OR2L3: variants seen among roughly 807,000 people sequenced by gnomAD.
OR2L3 encodes the protein olfactory receptor family 2 subfamily L member 3, also known as olfactory receptor 2L3.
For missense variants in OR2L3, 369 were observed against 376.6 expected (o/e 0.98, Z 0.17); for synonymous variants, 131 against 139.1 (o/e 0.94, Z 0.41).
At chr1:248,053,459 G>T (rs1663336781) in intron 1 of OR2L3, among the ~76,000 whole-genome samples, 1 of 152,008 alleles carries the variant, frequency 6.6e-6, no homozygotes. Context: ...TATTCCTTTG[G>T]GTATACACCC....
chr1:248,061,593 T>G lies in OR2L3; in HGVS notation c.912T>G (p.Ser304Arg), dbSNP rs1663647080. ...TGATGGGGGCCCTGACACGAGTGAGTCAGAGAATCTGCTCTGGGAAAATGT... is the reference window on the plus strand; with the variant it reads ...TGATGGGGGCCCTGACACGAGTGAGGCAGAGAATCTGCTCTGGGAAAATGT... ...KEVMGALTRV[S>R]QRICSGKM Residue 304 changes from serine (S) to arginine (R), a missense_variant, in exon 2 of 2, where the codon AGT (serine) becomes AGG (arginine). By Grantham distance (110) the Ser-to-Arg change is moderately radical. Transcript: ENST00000359959. The G allele has an allele frequency of 1.2e-6, 2 of 1,612,418 alleles. No individual in the cohort carries two copies. Among genetic ancestry groups the G allele is most frequent in the Non-Finnish European group, 1.7e-6 (2 of 1,179,360 alleles).
chr1:248,060,871 C>T lies in OR2L3; in HGVS notation c.190C>T (p.Gln64Ter), dbSNP rs1292127932. 6.2e-7 allele frequency: 1 copy of T among 1,613,916 alleles called. No individual in the cohort carries two copies. Residue 64 changes from glutamine (Q) to a stop codon, truncating the protein, a stop_gained, in exon 2 of 2, where the codon CAG becomes TAG. Coordinates refer to ENST00000359959, the MANE Select transcript of OR2L3 (RefSeq NM_001004687.2). LOFTEE classifies it low-confidence loss of function (END_TRUNC). ...CACACCCATGTATTTCCTACTTAGT[C>T]AGCTCTCCCTCATTGACCTAAATTA... ...LHTPMYFLLS[Q>*]LSLIDLNYIS...
intron 1 of OR2L3, among the ~76,000 whole-genome samples, chr1:248,059,231 T>C (rs1382481594): frequency 6.6e-6 from 1 of 152,188 alleles, no homozygotes; most frequent in Non-Finnish European, 1.5e-5. Flanking sequence ...TATTTGGCTC[T>C]AGACTAATAT....
rs374796739 is a variant in OR2L3 at position 248,060,680 on chromosome 1, C to T, written c.-2C>T. The T allele has an allele frequency of 1.9e-6, 3 of 1,608,866 alleles. No homozygotes were observed. The highest frequency in any genetic ancestry group is 1.3e-5 in the African/African-American group (1 of 74,802). Reference sequence around the variant, plus strand: ...CTTCAGGAAAGAGCACACGAATGCCCCATGGAAAATTACAATCAAACATCA... The same window carrying T: ...CTTCAGGAAAGAGCACACGAATGCCTCATGGAAAATTACAATCAAACATCA... On this transcript the variant is annotated 5_prime_UTR_variant, in exon 2 of 2. Transcript: ENST00000359959.
chr1:248,062,088 C>T lies in OR2L3; in HGVS notation c.*468C>T, dbSNP rs537729222. Reference sequence around the variant, plus strand: ...TGTCTTTCTTATCTTAGACACTTAACGTACCAATTACTCATTCTTTCAATT... The same window carrying T: ...TGTCTTTCTTATCTTAGACACTTAATGTACCAATTACTCATTCTTTCAATT... On this transcript the variant is annotated 3_prime_UTR_variant, in exon 2 of 2. Coordinates refer to ENST00000359959, the MANE Select transcript of OR2L3 (RefSeq NM_001004687.2). The T allele has an allele frequency of 4.6e-4, 73 of 157,394 alleles. No homozygotes were observed. Among genetic ancestry groups the T allele is most frequent in the Admixed American group, 2.9e-3 (48 of 16,398 alleles). The allele number at this position is 157,394 out of a possible 1,614,324, so 9.7% of individuals were successfully genotyped here. A position where few individuals can be genotyped will look rare whatever the true frequency, so the allele number is the denominator to read the frequency against.
intron 1 of OR2L3, among the ~76,000 whole-genome samples, chr1:248,051,003 A>G (rs1189723836): frequency 6.6e-6 from 1 of 152,206 alleles, no homozygotes; most frequent in Non-Finnish European, 1.5e-5. Context: ...TATTAGTGCA[A>G]ATATACTTAA....
chr1:248,052,406 T>A (rs558216460), intron 1 of OR2L3, among the ~76,000 whole-genome samples: 1 of 152,294 alleles, frequency 6.6e-6, no homozygotes, highest in East Asian at 1.9e-4. Flanking sequence ...ATTGTTTTGA[T>A]TACTATAGCT....
chr1:248,048,381 A>C (rs114761611), intron 1 of OR2L3, among the ~76,000 whole-genome samples: 2 of 152,214 alleles, frequency 1.3e-5, no homozygotes, highest in Non-Finnish European at 1.5e-5. Context: ...CAAATACAAC[A>C]TTATGTACTG....
At chr1:248,048,982 A>G (rs567036619) in intron 1 of OR2L3, among the ~76,000 whole-genome samples, 1 of 150,332 alleles carries the variant, frequency 6.7e-6, no homozygotes, top group East Asian at 2.0e-4. Flanking sequence ...GATCATACCA[A>G]CTTTAAGGAG....
In OR2L3 at chr1:248,061,008, A is replaced by C; in HGVS notation, c.327A>C (p.Ala109=). ...TCTTCTTCTCGGCATTAGGAGGTGC[A>C]GAAGCACTACTTTTGGCATCTATGG... ...QSFFFSALGG[A]EALLLASMAY... is the part of the protein sequence containing the mutation. Residue 109 remains alanine, a synonymous_variant, in exon 2 of 2, where the codon GCA becomes GCC. Transcript: ENST00000359959. 5.0e-6 allele frequency: 8 copies of C among 1,614,086 alleles called. No homozygotes were observed. The highest frequency in any genetic ancestry group is 5.9e-6 in the Non-Finnish European group (7 of 1,179,996).
At chr1:248,050,457 C>T (rs574779648) in intron 1 of OR2L3, among the ~76,000 whole-genome samples, 2 of 152,092 alleles carry the variant, frequency 1.3e-5, no homozygotes, top group South Asian at 2.1e-4. Context: ...CTGTCAGGAA[C>T]CAGCCTTTAA....
chr1:248,048,772 G>A (rs1663164095), intron 1 of OR2L3, among the ~76,000 whole-genome samples: 1 of 152,178 alleles, frequency 6.6e-6, no homozygotes, highest in African/African-American at 2.4e-5. Context: ...CGCTTCAGAA[G>A]ACAGGAAGTA....
chr1:248,058,054 A>G (rs1663497460), intron 1 of OR2L3, among the ~76,000 whole-genome samples: 1 of 152,178 alleles, frequency 6.6e-6, no homozygotes, highest in African/African-American at 2.4e-5. Flanking sequence ...CAAATCTTAG[A>G]GTCAAAGCTG....
chr1:248,061,224 A>G lies in OR2L3; in HGVS notation c.543A>G (p.Pro181=). 6.2e-7 allele frequency: 1 copy of G among 1,611,424 alleles called. No homozygotes were observed. Among genetic ancestry groups the G allele is most frequent in the African/African-American group, 1.4e-5 (1 of 73,434 alleles). The change falls in exon 2 of 2, where the codon CCA becomes CCG. Residue 181 remains proline (P), a synonymous_variant. Transcript: ENST00000359959. ...TCAATCATTTCTTCTGTGATGTCCC[A>G]GCAATGGTGACTCTGGCCTGCATGG... ...RAINHFFCDV[P]AMVTLACMDT... is the part of the protein sequence containing the mutation.
chr1:248,048,094 G>A (rs1351054219), intron 1 of OR2L3, among the ~76,000 whole-genome samples: 1 of 152,094 alleles, frequency 6.6e-6, no homozygotes, highest in African/African-American at 2.4e-5. Flanking sequence ...ACAGTCAAAG[G>A]ATATACTTTC....
intron 1 of OR2L3, among the ~76,000 whole-genome samples, chr1:248,056,679 T>TC (rs1019625810): frequency 6.7e-6 from 1 of 149,926 alleles, no homozygotes; most frequent in Non-Finnish European, 1.5e-5. Context: ...GGGCTTTTTT[T>TC]TTTTTTTTAG....
At chr1:248,048,702 G>A (rs1308149518) in intron 1 of OR2L3, among the ~76,000 whole-genome samples, 4 of 152,114 alleles carry the variant, frequency 2.6e-5, no homozygotes, top group African/African-American at 7.2e-5. Context: ...CTATGTGCAA[G>A]TAACGGAGAT....
chr1:248,051,542 A>G (rs1663263846), intron 1 of OR2L3, among the ~76,000 whole-genome samples: 1 of 152,176 alleles, frequency 6.6e-6, no homozygotes, highest in Non-Finnish European at 1.5e-5. Context: ...TTGGGTACAC[A>G]TGGACATAAA....
At chr1:248,052,795 A>AT (rs1302447171) in intron 1 of OR2L3, among the ~76,000 whole-genome samples, 1 of 151,958 alleles carries the variant, frequency 6.6e-6, no homozygotes, top group Non-Finnish European at 1.5e-5. Context: ...AAAAGTCAAG[A>AT]TTTTTTGACT....
Sources: gnomAD v4.1 joint callset for allele counts (sites outside exome capture counted in the v4.1 genomes callset) on GRCh38, gnomAD v4.1.1 for gene constraint, MANE v1.5 for transcripts, NCBI Gene and HGNC (gene_info 2026-07-23, HGNC 2026-07-21) for gene names.